The following RNF150 variants were observed in gnomAD, a reference collection of about 807,000 sequenced individuals.
RNF150 encodes ring finger protein 150.
A neutral mutation model predicts 39.3 loss-of-function variants in RNF150; 24 were observed. That is an observed-to-expected ratio of 0.61 (90% CI 0.44 to 0.86). RNF150 has a LOEUF of 0.86. RNF150 is among the 40% of genes least tolerant of loss of function. The probability of loss-of-function intolerance (pLI) is 0.00; values close to 1 mark genes in which losing one functional copy is unlikely to be tolerated. For synonymous variants in RNF150, 255 were observed against 227.3 expected (o/e 1.12, Z -1.10); for missense variants, 502 against 587.8 (o/e 0.85, Z 1.51).
chr4:140,998,145 T>C (rs183604444), intron 1 of RNF150, among the ~76,000 whole-genome samples: 85 of 152,310 alleles, frequency 5.6e-4, no homozygotes, highest in Middle Eastern at 3.4e-3. Context: ...CTGCCCAGCA[T>C]AGAGTTCAGT....
intron 1 of RNF150, among the ~76,000 whole-genome samples, chr4:141,104,758 T>A (rs1435009362): frequency 6.6e-6 from 1 of 152,192 alleles, no homozygotes; most frequent in Non-Finnish European, 1.5e-5. Flanking sequence ...ACACTGACAA[T>A]CATTCAAAAC....
At chr4:141,112,289 T>C (rs1410133707) in intron 1 of RNF150, among the ~76,000 whole-genome samples, 1 of 151,648 alleles carries the variant, frequency 6.6e-6, no homozygotes, top group Non-Finnish European at 1.5e-5. Context: ...CTGGTTATTT[T>C]GCCCATTAAT....
intron 1 of RNF150, among the ~76,000 whole-genome samples, chr4:141,124,906 T>G (rs764362379): frequency 1.1e-4 from 16 of 152,362 alleles, no homozygotes; most frequent in Admixed American, 4.6e-4. Flanking sequence ...TTATGAAATA[T>G]ATGTTCACAA....
At chr4:141,090,883 T>A (rs909332428) in intron 1 of RNF150, among the ~76,000 whole-genome samples, 1 of 152,228 alleles carries the variant, frequency 6.6e-6, no homozygotes, top group African/African-American at 2.4e-5. Context: ...CATTGGTTAT[T>A]AATTTGAAAA....
At chr4:140,944,210 C>T (rs546906700) in intron 4 of RNF150, among the ~76,000 whole-genome samples, 1 of 152,084 alleles carries the variant, frequency 6.6e-6, no homozygotes, top group Non-Finnish European at 1.5e-5. Context: ...ATCACAAATA[C>T]TAACCTTAGA....
chr4:141,107,894 A>G (rs1213070412), intron 1 of RNF150, among the ~76,000 whole-genome samples: 1 of 152,196 alleles, frequency 6.6e-6, no homozygotes, highest in Admixed American at 6.6e-5. Flanking sequence ...CATTGGGCTG[A>G]GACAAAGGTA....
At chr4:141,000,064 AG>A (rs1734593728) in intron 1 of RNF150, among the ~76,000 whole-genome samples, 1 of 81,072 alleles carries the variant, frequency 1.2e-5, no homozygotes. Context: ...AAGAAGAAGA[AG>A]AAGAAGAAGA....
intron 6 of RNF150, among the ~76,000 whole-genome samples, chr4:140,908,418 A>ATTTAG: frequency 6.6e-6 from 1 of 152,058 alleles, no homozygotes; most frequent in East Asian, 1.9e-4. Flanking sequence ...TCGTGAGAAA[A>ATTTAG]TTTAGTTTCT....
At chr4:140,889,828 A>G (rs576023485) in intron 6 of RNF150, among the ~76,000 whole-genome samples, 1 of 152,230 alleles carries the variant, frequency 6.6e-6, no homozygotes, top group African/African-American at 2.4e-5. Flanking sequence ...ATTATATTCT[A>G]TATTTCTTAT....
intron 6 of RNF150, among the ~76,000 whole-genome samples, chr4:140,906,044 C>T (rs1257676750): frequency 6.6e-6 from 1 of 151,906 alleles, no homozygotes; most frequent in African/African-American, 2.4e-5. Context: ...GGGAAAGTGC[C>T]CAGCAGAAAA....
chr4:140,932,563 G>T (rs1731688799), intron 4 of RNF150, among the ~76,000 whole-genome samples: 1 of 152,194 alleles, frequency 6.6e-6, no homozygotes, highest in Non-Finnish European at 1.5e-5. Flanking sequence ...TCACAGGTAA[G>T]GGGGGTAGTT....
At chr4:140,949,745 C>T (rs959211157) in intron 2 of RNF150, among the ~76,000 whole-genome samples, 5 of 151,986 alleles carry the variant, frequency 3.3e-5, no homozygotes, top group African/African-American at 1.2e-4. Context: ...CAGAGATAGC[C>T]AATCTGGAGT....
chr4:141,210,508 G>A (rs1728445750), intron 1 of RNF150, among the ~76,000 whole-genome samples: 1 of 150,882 alleles, frequency 6.6e-6, no homozygotes, highest in South Asian at 2.1e-4. Flanking sequence ...TTTCCAGGGA[G>A]AGGGTAGTGG....
intron 1 of RNF150, among the ~76,000 whole-genome samples, chr4:141,056,389 C>T (rs1041104106): frequency 6.6e-6 from 1 of 152,002 alleles, no homozygotes; most frequent in African/African-American, 2.4e-5. Flanking sequence ...AAAATAGTAG[C>T]TATTTTTACA....
At chr4:141,120,566 G>C (rs1726574711) in intron 1 of RNF150, among the ~76,000 whole-genome samples, 1 of 151,960 alleles carries the variant, frequency 6.6e-6, no homozygotes, top group Non-Finnish European at 1.5e-5. Context: ...ATGGCTACTA[G>C]ACTTTCTTGT....
intron 1 of RNF150, among the ~76,000 whole-genome samples, chr4:141,085,404 C>G (rs1218733471): frequency 2.0e-5 from 3 of 152,170 alleles, no homozygotes; most frequent in African/African-American, 7.2e-5. Flanking sequence ...CCACCATGCT[C>G]TAAGGAATTC....
intron 1 of RNF150, among the ~76,000 whole-genome samples, chr4:141,049,783 T>G (rs978670): frequency 0.41 from 61,772 of 151,904 alleles, 15,565 homozygotes; most frequent in Non-Finnish European, 0.56. Context: ...GATGCTTAAA[T>G]AAAAACTAAC....
chr4:141,161,050 A>G (rs1182379888), intron 1 of RNF150, among the ~76,000 whole-genome samples: 1 of 152,172 alleles, frequency 6.6e-6, no homozygotes, highest in Non-Finnish European at 1.5e-5. Flanking sequence ...AAGAGTTTGG[A>G]GGGCTCAGAA....
At chr4:141,000,019 AG>A (rs1485401037) in intron 1 of RNF150, among the ~76,000 whole-genome samples, 5,913 of 38,170 alleles carry the variant, frequency 0.15, 1,118 homozygotes, top group Non-Finnish European at 0.19. Flanking sequence ...AAGAAGAAGA[AG>A]AAGAAGAAGA....
Sources: gnomAD v4.1 joint callset for allele counts (sites outside exome capture counted in the v4.1 genomes callset) on GRCh38, gnomAD v4.1.1 for gene constraint, MANE v1.5 for transcripts, NCBI Gene and HGNC (gene_info 2026-07-23, HGNC 2026-07-21) for gene names.